Variants in FRMD4A observed in about 807,000 individuals in gnomAD.
FRMD4A encodes the protein FERM domain containing 4A, also known as FERM domain-containing protein 4A.
FRMD4A carries 29 observed loss-of-function variants against 129.1 expected under a neutral mutation model. The ratio of observed to expected loss-of-function variants is 0.22; its 90% CI spans 0.17 to 0.31. FRMD4A has a LOEUF of 0.31. Among genes scored for constraint, FRMD4A ranks in the 10% least tolerant of loss-of-function variants. The pLI is 1.00. For missense variants in FRMD4A, 1,272 were observed against 1,375.8 expected (o/e 0.92, Z 1.19); for synonymous variants, 634 against 571.6 (o/e 1.11, Z -1.56).
intron 2 of FRMD4A, among the ~76,000 whole-genome samples, chr10:13,920,651 A>T (rs1386479789): frequency 2.0e-5 from 3 of 152,188 alleles, no homozygotes; most frequent in African/African-American, 7.2e-5. Flanking sequence ...CCCTGTCATT[A>T]CTGCGGTGTC....
chr10:13,690,994 G>C (rs925372565), intron 15 of FRMD4A, among the ~76,000 whole-genome samples: 2 of 152,132 alleles, frequency 1.3e-5, no homozygotes, highest in African/African-American at 4.8e-5. Context: ...TCATTTGTGT[G>C]TGTGTGTGAG....
chr10:13,863,302 C>T (rs2094318866), intron 2 of FRMD4A, among the ~76,000 whole-genome samples: 1 of 152,168 alleles, frequency 6.6e-6, no homozygotes, highest in Non-Finnish European at 1.5e-5. Context: ...TGTATCCTGG[C>T]CTGGCGTGGT....
intron 15 of FRMD4A, among the ~76,000 whole-genome samples, chr10:13,682,070 A>AC (rs927357071): frequency 3.3e-5 from 5 of 151,958 alleles, no homozygotes; most frequent in Non-Finnish European, 5.9e-5. Context: ...AATTAAAAAA[A>AC]AAAATTAGTA....
At chr10:13,699,224 G>GTTTTTTTTTTTTTTTTTTTTT (rs1168489802) in intron 14 of FRMD4A, among the ~76,000 whole-genome samples, 5 of 76,272 alleles carry the variant, frequency 6.6e-5, no homozygotes, top group East Asian at 5.1e-4. Context: ...CTTGGTTATT[G>GTTTTTTTTTTTTTTTTTTTTT]TTTTTTTTTT....
chr10:13,767,812 C>T (rs879533232), intron 6 of FRMD4A, among the ~76,000 whole-genome samples: 5 of 152,080 alleles, frequency 3.3e-5, no homozygotes, highest in Non-Finnish European at 7.4e-5. Context: ...CGTGCTCTTG[C>T]GGCCATTGGA....
At position 14,088,070 on chromosome 10, in the gene FRMD4A, G is replaced by A. The variant is rs556670429; in HGVS notation, c.46-229158C>T. 9.2e-5 allele frequency among the ~76,000 whole-genome samples: 14 copies of A among 152,282 alleles called. No homozygotes were observed. The South Asian group carries it at 2.9e-3, about 32-fold the overall frequency. ...GAGCCTACTTTACTTAGGAATGTAG[G>A]ATGCTAATTTATTTGCCTTTTTCTT... is the stretch of plus-strand genomic sequence containing the variant. On this transcript the variant is annotated intron_variant, in intron 2 of 24. Transcript: ENST00000357447.
At chr10:13,876,871 A>G (rs1399482378) in intron 2 of FRMD4A, among the ~76,000 whole-genome samples, 1 of 152,010 alleles carries the variant, frequency 6.6e-6, no homozygotes, top group African/African-American at 2.4e-5. Context: ...CAATTATGTA[A>G]TATAGGTACT....
intron 6 of FRMD4A, among the ~76,000 whole-genome samples, chr10:13,776,977 C>T (rs1170937099): frequency 1.3e-5 from 2 of 152,270 alleles, no homozygotes; most frequent in African/African-American, 2.4e-5. Context: ...ACTTTGCATG[C>T]TTTATCTCAC....
intron 2 of FRMD4A, among the ~76,000 whole-genome samples, chr10:14,328,656 G>GTC (rs1554811064): frequency 9.3e-5 from 14 of 151,138 alleles, no homozygotes; most frequent in African/African-American, 3.2e-4. Flanking sequence ...GTGTGTGTGT[G>GTC]TGTGCATATG....
intron 3 of FRMD4A, among the ~76,000 whole-genome samples, chr10:13,823,696 C>G (rs2093661164): frequency 6.6e-6 from 1 of 152,176 alleles, no homozygotes; most frequent in African/African-American, 2.4e-5. Context: ...TGCCCGTGCA[C>G]TCACTGGGAG....
At chr10:13,845,486 A>G (rs1380335823) in intron 3 of FRMD4A, among the ~76,000 whole-genome samples, 1 of 152,248 alleles carries the variant, frequency 6.6e-6, no homozygotes, top group Non-Finnish European at 1.5e-5. Context: ...GGATAATAGC[A>G]CCATAAATTA....
chr10:14,229,336 G>A (rs984343205), intron 2 of FRMD4A, among the ~76,000 whole-genome samples: 1 of 152,088 alleles, frequency 6.6e-6, no homozygotes, highest in African/African-American at 2.4e-5. Context: ...TGCATGGGTG[G>A]ATATGTGGGT....
At chr10:13,951,165 T>C (rs2095367814) in intron 2 of FRMD4A, among the ~76,000 whole-genome samples, 2 of 152,042 alleles carry the variant, frequency 1.3e-5, no homozygotes, top group South Asian at 4.2e-4. Flanking sequence ...GATGGGGAAA[T>C]GGCAGTGGGT....
intron 2 of FRMD4A, among the ~76,000 whole-genome samples, chr10:14,266,359 T>C (rs1844978568): frequency 6.6e-6 from 1 of 152,286 alleles, no homozygotes; most frequent in South Asian, 2.1e-4. Flanking sequence ...AAGTACTTTT[T>C]CCCAAAGTTA....
rs2094230138 is a variant in FRMD4A, at chr10:13,857,529, A to G, written c.111+1318T>C. On this transcript the variant is annotated intron_variant, in intron 3 of 24. Transcript: ENST00000357447. The stretch of plus-strand genomic sequence containing the variant: ...TCTGTTTCCTATATTGCATTTATAA[A>G]GCCTTTATCATTTGAATCCTATTAA... Among the ~76,000 whole-genome samples, 3 of 152,296 alleles carry G rather than the reference A, an allele frequency of 2.0e-5. No individual in the cohort carries two copies. The South Asian group carries it at 6.2e-4, about 32-fold the overall frequency.
At chr10:14,121,513 G>A (rs1838516203) in intron 2 of FRMD4A, among the ~76,000 whole-genome samples, 1 of 152,202 alleles carries the variant, frequency 6.6e-6, no homozygotes, top group Admixed American at 6.5e-5. Context: ...ACGCTTTGAG[G>A]AGTAAGAGTT....
chr10:13,755,396 C>G (rs1299343169), intron 8 of FRMD4A, among the ~76,000 whole-genome samples: 2 of 152,186 alleles, frequency 1.3e-5, no homozygotes, highest in South Asian at 4.1e-4. Flanking sequence ...AGAAGGCACT[C>G]TTTTTGGGCC....
intron 15 of FRMD4A, among the ~76,000 whole-genome samples, chr10:13,682,644 G>A (rs58515413): frequency 0.016 from 2,372 of 151,176 alleles, 64 homozygotes; most frequent in African/African-American, 0.053. Context: ...GGGACCACAG[G>A]CACACGCCAC....
intron 3 of FRMD4A, among the ~76,000 whole-genome samples, chr10:13,820,189 G>A (rs2093608961): frequency 6.6e-6 from 1 of 152,184 alleles, no homozygotes; most frequent in South Asian, 2.1e-4. Context: ...GTGAGTTTCT[G>A]TTATTTTCCA....
Sources: allele counts gnomAD v4.1 joint callset (sites outside exome capture counted in the v4.1 genomes callset), GRCh38; gene constraint gnomAD v4.1.1; transcripts MANE v1.5; gene names NCBI Gene and HGNC (gene_info 2026-07-23, HGNC 2026-07-21).